Variants in ACOT1 observed in about 807,000 individuals in gnomAD.
ACOT1 encodes acyl-CoA thioesterase 1.
Under a neutral mutation model 15.7 loss-of-function variants are expected in ACOT1, and 8 were observed. The ratio of observed to expected loss-of-function variants is 0.51; its 90% CI spans 0.30 to 0.92. The LOEUF (loss-of-function observed/expected upper bound fraction) is 0.92. Ranked by LOEUF, ACOT1 falls within the 40% of genes least tolerant of loss-of-function variation. The pLI is 0.06. For synonymous variants in ACOT1, 67 were observed against 241.2 expected (o/e 0.28, Z 6.69); for missense variants, 151 against 539.4 (o/e 0.28, Z 7.13).
the ACOT1 span, among the ~76,000 whole-genome samples, chr14:73,510,473 T>C: frequency 6.6e-6 from 1 of 152,006 alleles, no homozygotes; most frequent in African/African-American, 2.4e-5. Flanking sequence ...TTTTGCTCTG[T>C]TGCCCAGGCT....
chr14:73,491,911 C>G, the ACOT1 span: 1 of 1,612,998 alleles, frequency 6.2e-7, no homozygotes, highest in Non-Finnish European at 8.5e-7. Flanking sequence ...CCCTGCGTCT[C>G]CTCTGTCCGC....
At chr14:73,491,400 C>T in the ACOT1 span, 1 of 1,345,786 alleles carries the variant, frequency 7.4e-7, no homozygotes, top group Non-Finnish European at 9.5e-7. Context: ...GCTTCCGCGC[C>T]GCCCGCGCGC....
At chr14:73,498,570 T>C in the ACOT1 span, among the ~76,000 whole-genome samples, 8 of 152,110 alleles carry the variant, frequency 5.3e-5, no homozygotes, top group African/African-American at 1.7e-4. Context: ...TGGGATGAAA[T>C]ATAGAACAAA....
chr14:73,492,654 CAGA>C, the ACOT1 span: 2 of 1,613,858 alleles, frequency 1.2e-6, no homozygotes, highest in Non-Finnish European at 1.7e-6. This position sits in a 1 kb window ranked among gnomAD's most constrained non-coding sequence, Gnocchi z 4.9. Context: ...ACAACAGAAA[CAGA>C]AGTCCATATG....
the ACOT1 span, among the ~76,000 whole-genome samples, chr14:73,531,634 C>G: frequency 1.8e-5 from 2 of 109,556 alleles, no homozygotes; most frequent in African/African-American, 5.9e-5. Context: ...TTCTCGAACT[C>G]CTGACCTCAA....
chr14:73,516,879 C>T, the ACOT1 span, among the ~76,000 whole-genome samples: 1 of 152,224 alleles, frequency 6.6e-6, no homozygotes, highest in African/African-American at 2.4e-5. Context: ...ATTTCATCCT[C>T]AAACCATCCC....
At chr14:73,510,843 A>G in the ACOT1 span, among the ~76,000 whole-genome samples, 1 of 152,144 alleles carries the variant, frequency 6.6e-6, no homozygotes, top group Non-Finnish European at 1.5e-5. Context: ...AGGAACTAAT[A>G]TCTCTTATAA....
the ACOT1 span, among the ~76,000 whole-genome samples, chr14:73,493,676 G>A: frequency 6.6e-6 from 1 of 151,912 alleles, no homozygotes; most frequent in Non-Finnish European, 1.5e-5. Flanking sequence ...CATCTCTAGT[G>A]AGAATACAAA....
At chr14:73,501,898 C>T in the ACOT1 span, among the ~76,000 whole-genome samples, 2 of 152,056 alleles carry the variant, frequency 1.3e-5, no homozygotes, top group South Asian at 4.1e-4. Flanking sequence ...GGACTACAGG[C>T]GCCCGCCACC....
the ACOT1 span, among the ~76,000 whole-genome samples, chr14:73,528,468 CAT>C: frequency 6.8e-6 from 1 of 147,966 alleles, no homozygotes; most frequent in Non-Finnish European, 1.5e-5. Context: ...GAAGGGAACA[CAT>C]GATAGGTCTG....
the ACOT1 span, chr14:73,522,885 G>A: frequency 6.2e-7 from 1 of 1,614,174 alleles, no homozygotes. Flanking sequence ...AAGCTGTACT[G>A]GCTATAAGGA....
At chr14:73,496,337 GA>G in the ACOT1 span, among the ~76,000 whole-genome samples, 71 of 152,220 alleles carry the variant, frequency 4.7e-4, no homozygotes, top group Non-Finnish European at 7.5e-4. Context: ...GGAAGGGAGG[GA>G]AATAGTATTT....
the ACOT1 span, among the ~76,000 whole-genome samples, chr14:73,511,263 A>C: frequency 6.6e-6 from 1 of 152,140 alleles, no homozygotes; most frequent in Non-Finnish European, 1.5e-5. Flanking sequence ...CTGTAATCCC[A>C]GCACTTTGGG....
chr14:73,502,747 C>T, the ACOT1 span: 2 of 663,794 alleles, frequency 3.0e-6, no homozygotes, highest in South Asian at 1.8e-5. Context: ...CAGGGTTTTA[C>T]TGTGTTAGCC....
upstream of ACOT1, among the ~76,000 whole-genome samples, chr14:73,535,495 T>C (rs1378902268): frequency 4.6e-4 from 22 of 47,434 alleles, 6 homozygotes; most frequent in South Asian, 7.5e-4. Context: ...TTTTTTTTTT[T>C]TTTTTTTTTT....
chr14:73,525,917 C>T, the ACOT1 span, among the ~76,000 whole-genome samples: 9 of 150,328 alleles, frequency 6.0e-5, no homozygotes, highest in East Asian at 3.9e-4. Flanking sequence ...GGTGCCACTG[C>T]GCTCCAGCCT....
the ACOT1 span, among the ~76,000 whole-genome samples, chr14:73,524,310 A>AAAAAAAAT: frequency 4.0e-4 from 22 of 54,770 alleles, no homozygotes; most frequent in South Asian, 1.6e-3. Context: ...AAAAAAAAAA[A>AAAAAAAAT]ATATATATAT....
chr14:73,528,412 AAACTT>A, the ACOT1 span, among the ~76,000 whole-genome samples: 1 of 151,286 alleles, frequency 6.6e-6, no homozygotes, highest in Non-Finnish European at 1.5e-5. Flanking sequence ...AAAAAAAAAA[AAACTT>A]AAGGAATAGT....
the ACOT1 span, among the ~76,000 whole-genome samples, chr14:73,530,794 ATTTTTTTT>A: frequency 1.7e-4 from 10 of 57,788 alleles, no homozygotes; most frequent in African/African-American, 6.1e-4. Context: ...TCTCGGTTAA[ATTTTTTTT>A]TTTTTTTTTT....
Sources: gnomAD v4.1 joint callset for allele counts (sites outside exome capture counted in the v4.1 genomes callset) on GRCh38, gnomAD v4.1.1 for gene constraint, Gnocchi (gnomAD v3.1) non-coding constraint, MANE v1.5 for transcripts, NCBI Gene and HGNC (gene_info 2026-07-23, HGNC 2026-07-21) for gene names.